The following ELFN2 variants were observed in gnomAD, a reference collection of about 807,000 sequenced individuals.
ELFN2 encodes extracellular leucine rich repeat and fibronectin type III domain containing 2.
A neutral mutation model predicts 45.5 loss-of-function variants in ELFN2; 17 were observed. That is an observed-to-expected ratio of 0.37 (90% confidence interval 0.26 to 0.56). The LOEUF is 0.56. Among genes scored for constraint, ELFN2 ranks in the 20% least tolerant of loss-of-function variants. The probability of loss-of-function intolerance (pLI) is 0.77; values close to 1 mark genes in which losing one functional copy is unlikely to be tolerated. For missense variants in ELFN2, 922 were observed against 1,183.2 expected (o/e 0.78, Z 3.24); for synonymous variants, 550 against 551.5 (o/e 1.00, Z 0.04).
chr22:37,382,100 C>T (rs979924166), intron 2 of ELFN2, among the ~76,000 whole-genome samples: 1 of 152,094 alleles, frequency 6.6e-6, no homozygotes, highest in African/African-American at 2.4e-5. Context: ...TTATGCCTCC[C>T]ATTTTACAGG....
At chr22:37,350,694 G>A (rs750832756) in intron 1 of ELFN2, among the ~76,000 whole-genome samples, 1 of 150,546 alleles carries the variant, frequency 6.6e-6, no homozygotes, top group African/African-American at 2.4e-5. Flanking sequence ...GGGTGGGGGC[G>A]GCAGCTCTGG....
At chr22:37,348,367 C>G (rs1227063315) in intron 1 of ELFN2, among the ~76,000 whole-genome samples, 1 of 151,334 alleles carries the variant, frequency 6.6e-6, no homozygotes, top group African/African-American at 2.4e-5. Flanking sequence ...TCAGTGGAGA[C>G]AGGCGTGGCT....
intron 2 of ELFN2, among the ~76,000 whole-genome samples, chr22:37,399,091 C>T (rs1230830993): frequency 3.3e-5 from 5 of 152,098 alleles, no homozygotes; most frequent in Admixed American, 2.0e-4. Flanking sequence ...CCTGGATCCT[C>T]CCTCCCCACT....
chr22:37,390,146 G>A (rs755712997), intron 2 of ELFN2, among the ~76,000 whole-genome samples: 3 of 152,234 alleles, frequency 2.0e-5, no homozygotes, highest in African/African-American at 4.8e-5. Flanking sequence ...ATGACACTCC[G>A]GTCCCTCCAG....
chr22:37,358,530 G>A (rs1053957051), intron 1 of ELFN2, among the ~76,000 whole-genome samples: 11 of 152,314 alleles, frequency 7.2e-5, no homozygotes, highest in East Asian at 1.9e-4. Flanking sequence ...TCTGCATCCC[G>A]ATTAGATACA....
chr22:37,388,034 G>A (rs1343785787), intron 2 of ELFN2, among the ~76,000 whole-genome samples: 5 of 146,236 alleles, frequency 3.4e-5, no homozygotes, highest in South Asian at 2.2e-4. Context: ...CCCTAGTCCC[G>A]CCTTGGTGCC....
At chr22:37,345,768 G>A (rs1188538218) in intron 1 of ELFN2, among the ~76,000 whole-genome samples, 1 of 152,126 alleles carries the variant, frequency 6.6e-6, no homozygotes, top group African/African-American at 2.4e-5. Context: ...GGATGGTCTT[G>A]ATCTCCTGAC....
intron 2 of ELFN2, among the ~76,000 whole-genome samples, chr22:37,408,989 G>A (rs1034088549): frequency 6.6e-6 from 1 of 152,188 alleles, no homozygotes; most frequent in African/African-American, 2.4e-5. Flanking sequence ...GCTGCAATTC[G>A]AACGCTGGAC....
At position 37,374,379 on chromosome 22, in the gene ELFN2, C is replaced by T. The variant is rs886430908; in HGVS notation, c.1156G>A (p.Asp386Asn). The change falls in exon 3 of 3, where the codon GAC (aspartate) becomes AAC (asparagine). Residue 386 changes from aspartate to asparagine, a missense_variant. Transcript: ENST00000402918. ...GTGGTGGAGGTGCTGGGCGCCAAGT[C>T]TCCGGGGACGGGGTCCCGCGTGGTG... ...TFTTRDPVPG[D>N]LAPSTSTTTH... 9.9e-6 allele frequency: 16 copies of T among 1,613,860 alleles called. No homozygotes were observed. Among genetic ancestry groups the T allele is most frequent in the Admixed American group, 1.7e-5 (1 of 60,004 alleles).
intron 2 of ELFN2, among the ~76,000 whole-genome samples, chr22:37,399,456 G>A (rs536751936): frequency 6.6e-6 from 1 of 151,942 alleles, no homozygotes; most frequent in Non-Finnish European, 1.5e-5. Context: ...CAGCAAGCAA[G>A]TTGATCAGAC....
At chr22:37,341,566 T>C (rs529828841) in intron 2 of ELFN2, among the ~76,000 whole-genome samples, 4 of 152,346 alleles carry the variant, frequency 2.6e-5, no homozygotes, top group African/African-American at 9.6e-5. Context: ...TCCAACGTGG[T>C]TGAAGGTTTC....
rs749190458 is a variant in ELFN2 at position 37,373,969 on chromosome 22, C to A, written c.1566G>T (p.Pro522=). The change falls in exon 3 of 3, where the codon CCG becomes CCT. Residue 522 remains proline (P), a synonymous_variant. Transcript: ENST00000402918. Reference sequence around the variant, plus strand: ...CCGAGCCCTGGCCGTTCTCGAGGTCCGGGAGGTCATCCTCGGGCCGAGCCA... The same window carrying A: ...CCGAGCCCTGGCCGTTCTCGAGGTCAGGGAGGTCATCCTCGGGCCGAGCCA... ...DGLARPEDDL[P]DLENGQGSAA... The A allele has an allele frequency of 6.2e-7, 1 of 1,613,034 alleles. No individual in the cohort carries two copies. The highest frequency in any genetic ancestry group is 1.7e-5 in the Admixed American group (1 of 60,034).
chr22:37,419,710 C>G (rs1361859745), intron 1 of ELFN2, among the ~76,000 whole-genome samples: 2 of 152,226 alleles, frequency 1.3e-5, no homozygotes, highest in African/African-American at 4.8e-5. Context: ...CACAGGGAAC[C>G]ACTCCCGGAC....
intron 2 of ELFN2, among the ~76,000 whole-genome samples, chr22:37,408,429 C>T (rs1442472612): frequency 2.0e-5 from 3 of 152,346 alleles, no homozygotes; most frequent in Middle Eastern, 3.4e-3. Context: ...CCTCACTGCA[C>T]GGAATTCTCA....
rs1170275865 is a variant in ELFN2, at chr22:37,358,799, G to A, written n.149-16096C>T. Among the ~76,000 whole-genome samples, 2 of 152,218 alleles carry A rather than the reference G, an allele frequency of 1.3e-5. 1 individual carries two copies. The highest frequency in any genetic ancestry group is 4.8e-5 in the African/African-American group (2 of 41,460). ...TATCATCCCCCAAGTGAAGGGTGGT[G>A]TGGCTTGCACCCCAAGGGGAATGGG... On this transcript the variant is annotated intron_variant and non_coding_transcript_variant, in intron 1 of 2. Coordinates refer to ENST00000452946, the Ensembl canonical transcript of ELFN2.
intron 2 of ELFN2, among the ~76,000 whole-genome samples, chr22:37,397,936 C>A (rs1371534211): frequency 1.3e-5 from 2 of 152,184 alleles, no homozygotes; most frequent in African/African-American, 4.8e-5. Flanking sequence ...GCAGCCCGCG[C>A]AGCTTCTCTG....
chr22:37,365,542 A>G (rs976186587), downstream of ELFN2, among the ~76,000 whole-genome samples: 23 of 152,170 alleles, frequency 1.5e-4, no homozygotes, highest in Admixed American at 1.5e-3. Context: ...TGAGTTACAG[A>G]TATCTTGGAA....
chr22:37,363,493 A>C (rs1250804456), downstream of ELFN2, among the ~76,000 whole-genome samples: 1 of 152,138 alleles, frequency 6.6e-6, no homozygotes, highest in Non-Finnish European at 1.5e-5. Context: ...GGGAGGACGG[A>C]AGATGCGCGG....
intron 1 of ELFN2, among the ~76,000 whole-genome samples, chr22:37,349,098 C>T (rs1930763652): frequency 6.6e-6 from 1 of 151,310 alleles, no homozygotes; most frequent in Non-Finnish European, 1.5e-5. Context: ...GGCCGGTTGA[C>T]TCTGATGGGC....
Sources: allele counts gnomAD v4.1 joint callset (sites outside exome capture counted in the v4.1 genomes callset), GRCh38; gene constraint gnomAD v4.1.1; transcripts MANE v1.5; gene names NCBI Gene and HGNC (gene_info 2026-07-23, HGNC 2026-07-21).